Variants in GLI3 observed in about 807,000 individuals in gnomAD.
The protein encoded by GLI3 is transcription activator GLI3.
In GLI3, 20 loss-of-function variants were observed where a neutral mutation model predicts 100.8. The ratio of observed to expected loss-of-function variants is 0.20; its 90% CI spans 0.14 to 0.29. GLI3 has a LOEUF of 0.29. Among genes scored for constraint, GLI3 ranks in the 10% least tolerant of loss-of-function variants. The pLI is 1.00. For missense variants in GLI3, 2,040 were observed against 2,128.5 expected (o/e 0.96, Z 0.82); for synonymous variants, 938 against 860.5 (o/e 1.09, Z -1.58).
Position 41,963,198 on chromosome 7 carries a change from T to G in GLI3, c.*1132A>C, listed in dbSNP as rs2128704204. 1 of 152,336 alleles carries G rather than the reference T, an allele frequency of 6.6e-6. No individual in the cohort carries two copies. The highest frequency in any genetic ancestry group is 2.1e-4 in the South Asian group (1 of 4,824). 9.4% of individuals were successfully genotyped at this position (152,336 alleles called of 1,614,324 possible). On this transcript the variant is annotated 3_prime_UTR_variant, in exon 15 of 15. Coordinates refer to ENST00000395925, the MANE Select transcript of GLI3 (RefSeq NM_000168.6). ...TATTCCCACTATGTGGGCTTTCTCT[T>G]TTACAACTAAGTTTTATAAATCCCT...
At chr7:42,121,386 T>C (rs928378537) in intron 3 of GLI3, among the ~76,000 whole-genome samples, 6 of 152,220 alleles carry the variant, frequency 3.9e-5, no homozygotes, top group African/African-American at 1.4e-4. Flanking sequence ...TGTTGATAAA[T>C]GCTGGTCTAG....
chr7:42,045,256 G>A, intron 6 of GLI3, 128 bp downstream of exon 6: 1 of 918,182 alleles, frequency 1.1e-6, no homozygotes. Context: ...GCACCAGATA[G>A]TGGTGGTTCC....
chr7:42,142,406 C>T (rs1724217203), intron 3 of GLI3, among the ~76,000 whole-genome samples: 1 of 152,144 alleles, frequency 6.6e-6, no homozygotes, highest in Admixed American at 6.5e-5. Context: ...TAGAAAAATG[C>T]GGTCTCTCTT....
intron 4 of GLI3, among the ~76,000 whole-genome samples, chr7:42,058,142 A>G (rs1003902205): frequency 5.9e-5 from 9 of 152,252 alleles, no homozygotes; most frequent in Non-Finnish European, 4.4e-5. Context: ...AAAAAAGAAG[A>G]AAACTGGCAC....
At chr7:42,092,719 C>T (rs1309801436) in intron 3 of GLI3, among the ~76,000 whole-genome samples, 1 of 152,182 alleles carries the variant, frequency 6.6e-6, no homozygotes, top group African/African-American at 2.4e-5. Context: ...AGTTGACCAA[C>T]AGATGACAGG....
At chr7:42,190,164 A>G (rs1446411525) in intron 2 of GLI3, among the ~76,000 whole-genome samples, 1 of 152,088 alleles carries the variant, frequency 6.6e-6, no homozygotes, top group Non-Finnish European at 1.5e-5. Context: ...CAGTATATGG[A>G]ATCATTTTTA....
intron 4 of GLI3, among the ~76,000 whole-genome samples, chr7:42,068,980 A>G (rs1228564129): frequency 6.6e-6 from 1 of 152,178 alleles, no homozygotes; most frequent in East Asian, 1.9e-4. Context: ...CAGGCTTAAC[A>G]TGAGTGGAAG....
In GLI3 at chr7:42,140,637, G is replaced by A. The variant is rs74806259; in HGVS notation, c.367+7589C>T. 1.1e-3 allele frequency among the ~76,000 whole-genome samples: 169 copies of A among 152,144 alleles called. 4 individuals are homozygous for A. The East Asian group carries it at 0.031, about 28-fold the overall frequency. On this transcript the variant is annotated intron_variant, in intron 3 of 14. Coordinates refer to ENST00000395925, the MANE Select transcript of GLI3 (RefSeq NM_000168.6). ...GAAGAGAGCAATAAAATGCCAGATC[G>A]GTTACTCTAAATTAACCCAAACTGT...
At chr7:41,982,693 G>T (rs1787706265) in intron 10 of GLI3, among the ~76,000 whole-genome samples, 1 of 111,206 alleles carries the variant, frequency 9.0e-6, no homozygotes, top group Non-Finnish European at 1.7e-5. Flanking sequence ...GCAAGAACTT[G>T]TCTCAAAAAA....
At chr7:42,071,629 AGCC>A (rs2128750397) in intron 4 of GLI3, among the ~76,000 whole-genome samples, 1 of 152,338 alleles carries the variant, frequency 6.6e-6, no homozygotes, top group African/African-American at 2.4e-5. Flanking sequence ...ACTCAGTAGT[AGCC>A]CTGGTCATCT....
chr7:42,019,721 T>TA (rs1370605088), intron 10 of GLI3, among the ~76,000 whole-genome samples: 1 of 152,234 alleles, frequency 6.6e-6, no homozygotes, highest in African/African-American at 2.4e-5. Flanking sequence ...TTTGAGATGT[T>TA]AGAATGTGTG....
chr7:42,048,406 A>G (rs1784288088), intron 5 of GLI3, 85 bp downstream of exon 5: 1 of 916,042 alleles, frequency 1.1e-6, no homozygotes, highest in East Asian at 2.4e-5. Context: ...CTCACTAAAC[A>G]TCAGGTCTAC....
chr7:42,212,460 A>C (rs769895103), intron 2 of GLI3, among the ~76,000 whole-genome samples: 5 of 152,342 alleles, frequency 3.3e-5, no homozygotes, highest in Non-Finnish European at 5.9e-5. Flanking sequence ...TATTTAACCC[A>C]ATTTATAAAG....
At chr7:42,249,252 A>C (rs75059008) in intron 1 of GLI3, among the ~76,000 whole-genome samples, 2,374 of 152,294 alleles carry the variant, frequency 0.016, 58 homozygotes, top group African/African-American at 0.053. Context: ...TCACAAAAGC[A>C]GTCATAGAGC....
At chr7:42,066,491 T>G (rs1290833097) in intron 4 of GLI3, among the ~76,000 whole-genome samples, 1 of 152,144 alleles carries the variant, frequency 6.6e-6, no homozygotes, top group African/African-American at 2.4e-5. Context: ...AAATTAAATA[T>G]GGTGCAGTGC....
At chr7:42,098,405 A>G (rs1583555401) in intron 3 of GLI3, among the ~76,000 whole-genome samples, 2 of 151,704 alleles carry the variant, frequency 1.3e-5, no homozygotes, top group Non-Finnish European at 2.9e-5. Flanking sequence ...GAAGTTTTTG[A>G]GTCCCAGTTT....
intron 4 of GLI3, among the ~76,000 whole-genome samples, chr7:42,060,586 CT>C (rs1784547736): frequency 6.6e-6 from 1 of 152,016 alleles, no homozygotes; most frequent in Non-Finnish European, 1.5e-5. Context: ...TGTGACTTTC[CT>C]CTCTATTTTC....
rs1398297485 is a variant in GLI3, at chr7:41,964,747, C to G, written c.4326G>C (p.Gln1442His). ...TGAAGCCCACGGTTTGGTCATAGAA[C>G]TGACCAGAGTAATTCTGCAGATTAG... ...LCSNLQNYSG[Q>H]FYDQTVGFSQ... Residue 1442 changes from glutamine (Q) to histidine (H), a missense_variant, in exon 15 of 15, where the codon CAG becomes CAC. By Grantham distance (24) the Gln-to-His change is conservative. Transcript: ENST00000395925. The G allele has an allele frequency of 3.1e-6, 5 of 1,613,586 alleles. No individual in the cohort carries two copies. The highest frequency in any genetic ancestry group is 3.3e-5 in the Admixed American group (2 of 60,026).
At chr7:42,021,845 T>C (rs1788951788) in intron 10 of GLI3, among the ~76,000 whole-genome samples, 1 of 152,248 alleles carries the variant, frequency 6.6e-6, no homozygotes, top group South Asian at 2.1e-4. Flanking sequence ...TTGTTGGTCA[T>C]TCGTTATATC....
Sources: allele counts gnomAD v4.1 joint callset (sites outside exome capture counted in the v4.1 genomes callset), GRCh38; gene constraint gnomAD v4.1.1; transcripts MANE v1.5; gene names NCBI Gene and HGNC (gene_info 2026-07-23, HGNC 2026-07-21).